DET1: variants seen among roughly 807,000 people sequenced by gnomAD.
The protein encoded by DET1 is DET1 homolog.
In DET1, 22 loss-of-function variants were observed where a neutral mutation model predicts 43.7. The observed-to-expected ratio is 0.50, with a 90% CI of 0.36 to 0.72. The LOEUF (loss-of-function observed/expected upper bound fraction) is 0.72. Among genes scored for constraint, DET1 ranks in the 30% least tolerant of loss-of-function variants. DET1 has a pLI of 0.00. For synonymous variants in DET1, 315 were observed against 266.2 expected (o/e 1.18, Z -1.79); for missense variants, 713 against 713.3 (o/e 1.00, Z 0.00).
intron 8 of DET1, chr15:88,502,326 C>G (rs923310186): frequency 2.0e-5 from 3 of 152,180 alleles, no homozygotes; most frequent in African/African-American, 7.2e-5. Flanking sequence ...TCCTTTCTTT[C>G]AGTAGAAATA....
chr15:88,542,844 T>A (rs2142347574), intron 1 of DET1, among the ~76,000 whole-genome samples: 1 of 152,176 alleles, frequency 6.6e-6, no homozygotes, highest in East Asian at 1.9e-4. Context: ...AAGACCAATG[T>A]GCCTATTGCA....
chr15:88,505,609 A>C (rs1366573174), intron 7 of DET1: 1 of 152,224 alleles, frequency 6.6e-6, no homozygotes. Context: ...TGGGAAGAGC[A>C]CACCCAGTTT....
At chr15:88,520,392 T>C (rs1244840847) in intron 3 of DET1, among the ~76,000 whole-genome samples, 1 of 152,220 alleles carries the variant, frequency 6.6e-6, no homozygotes, top group Non-Finnish European at 1.5e-5. Flanking sequence ...ACTACTCTTG[T>C]CAAGGTCACC....
downstream of DET1, among the ~76,000 whole-genome samples, chr15:88,511,942 C>T (rs543161351): frequency 3.3e-5 from 5 of 152,132 alleles, no homozygotes; most frequent in African/African-American, 4.8e-5. Flanking sequence ...TGTTACTAAA[C>T]AAGCCTACTA....
chr15:88,545,697 A>T (rs2142357209), intron 1 of DET1, among the ~76,000 whole-genome samples: 1 of 150,794 alleles, frequency 6.6e-6, no homozygotes. Context: ...CAATGATTTG[A>T]TTCCCCAAAA....
intron 1 of DET1, among the ~76,000 whole-genome samples, chr15:88,544,568 G>C (rs1050303148): frequency 6.6e-6 from 1 of 152,142 alleles, no homozygotes; most frequent in Admixed American, 6.5e-5. Context: ...TTCCAGCCAG[G>C]AGAACTAGTG....
intron 4 of DET1, among the ~76,000 whole-genome samples, chr15:88,513,620 GAGTTTTTTTTTTTTTTTTTT>G: frequency 7.2e-6 from 1 of 138,996 alleles, no homozygotes; most frequent in African/African-American, 2.7e-5. Flanking sequence ...AACTATTAGT[GAGTTTTTTTTTTTTTTTTTT>G]TGGAAATCTG....
chr15:88,536,676 C>A (rs190347351), intron 1 of DET1, among the ~76,000 whole-genome samples: 67 of 147,360 alleles, frequency 4.5e-4, no homozygotes, highest in African/African-American at 1.6e-3. Context: ...GAGGCTGAGG[C>A]AGGAGAACTG....
intron 7 of DET1, among the ~76,000 whole-genome samples, chr15:88,506,293 G>T (rs1402137687): frequency 2.0e-5 from 3 of 152,178 alleles, no homozygotes; most frequent in Admixed American, 6.5e-5. Flanking sequence ...CACAGCCAGG[G>T]TTTGCACCAG....
At chr15:88,519,717 A>C (rs2056439105) in intron 3 of DET1, among the ~76,000 whole-genome samples, 1 of 152,106 alleles carries the variant, frequency 6.6e-6, no homozygotes, top group South Asian at 2.1e-4. Context: ...TGCTTAGAAA[A>C]ACTACAGCCT....
chr15:88,519,588 C>A (rs560258681), intron 3 of DET1, among the ~76,000 whole-genome samples: 1 of 152,232 alleles, frequency 6.6e-6, no homozygotes, highest in African/African-American at 2.4e-5. Flanking sequence ...ATTCTACCAA[C>A]TTCTTCCCAT....
At chr15:88,523,301 A>G (rs2056553795) in intron 3 of DET1, among the ~76,000 whole-genome samples, 2 of 152,060 alleles carry the variant, frequency 1.3e-5, no homozygotes, top group South Asian at 4.1e-4. Flanking sequence ...ATTTTGACCT[A>G]TAAGGGTCCC....
intron 1 of DET1, among the ~76,000 whole-genome samples, chr15:88,542,913 CAA>C (rs917692818): frequency 1.3e-5 from 2 of 152,152 alleles, no homozygotes; most frequent in African/African-American, 4.8e-5. Flanking sequence ...AGTCAGAAAA[CAA>C]AAAGTTCTCA....
chr15:88,522,537 TC>T, intron 3 of DET1, among the ~76,000 whole-genome samples: 1 of 149,158 alleles, frequency 6.7e-6, no homozygotes, highest in African/African-American at 2.5e-5. Context: ...TGAGTTGGAG[TC>T]TCGTTCTGTA....
In DET1 at chr15:88,529,621, G is replaced by A. The variant is rs567373488; in HGVS notation, c.1083+1002C>T. Among the ~76,000 whole-genome samples the A allele has an allele frequency of 2.2e-3, 337 of 152,344 alleles. 4 individuals carry two copies. Among genetic ancestry groups the A allele is most frequent in the Non-Finnish European group, 3.4e-4 (23 of 68,034 alleles). On this transcript the variant is annotated intron_variant, in intron 2 of 4. Coordinates refer to ENST00000268148, the MANE Select transcript of DET1 (RefSeq NM_001144074.3). ...GTTTTAGGACACGATACCCTGTACA[G>A]AATCTGTTAATGGTAGAATCAGCTA...
In DET1 at chr15:88,517,089, C is replaced by G. The variant is rs575881259; in HGVS notation, c.1272-116G>C. The G allele has an allele frequency of 6.6e-6, 5 of 752,534 alleles. No homozygotes were observed. In the African/African-American group the frequency reaches 7.4e-5, roughly 11 times the overall value. 46.6% of individuals were successfully genotyped at this position (752,534 alleles called of 1,614,324 possible). A position where few individuals can be genotyped will look rare whatever the true frequency, so the allele number is the denominator to read the frequency against. ...CTCATTCTTTAAATACAAATTAAAACCTAGGTAATGAATTAAGATAGAACT... is the reference window on the plus strand; with the variant it reads ...CTCATTCTTTAAATACAAATTAAAAGCTAGGTAATGAATTAAGATAGAACT... On this transcript the variant is annotated intron_variant, in intron 3 of 4. Coordinates refer to ENST00000268148, the MANE Select transcript of DET1 (RefSeq NM_001144074.3).
At chr15:88,525,658 G>T (rs1474136580) in intron 3 of DET1, among the ~76,000 whole-genome samples, 1 of 151,622 alleles carries the variant, frequency 6.6e-6, no homozygotes. Context: ...CCCATCTTTT[G>T]TTCTTTTTGT....
At chr15:88,508,029 C>T (rs530037684), downstream of DET1, among the ~76,000 whole-genome samples, 58 of 151,804 alleles carry the variant, frequency 3.8e-4, no homozygotes, top group African/African-American at 1.4e-3. Context: ...GTATTGTGAA[C>T]TGTGTATGCA....
Position 88,516,574 on chromosome 15 carries a change from T to G in DET1, c.1463+208A>C, listed in dbSNP as rs2056350123. 6.6e-6 allele frequency among the ~76,000 whole-genome samples: 1 copy of G among 152,238 alleles called. No homozygotes were observed. The highest frequency in any genetic ancestry group is 2.4e-5 in the African/African-American group (1 of 41,464). On this transcript the variant is annotated intron_variant, in intron 4 of 4. Transcript: ENST00000268148. This position sits in a 1 kb window ranked among gnomAD's most constrained non-coding sequence, Gnocchi z 4.4. ...CAACACTTATCTGAATTAGATGTTC[T>G]GATGAGAAGCAAAGAGTAGGAATAA...
Sources: allele counts gnomAD v4.1 joint callset (sites outside exome capture counted in the v4.1 genomes callset), GRCh38; gene constraint gnomAD v4.1.1; non-coding constraint Gnocchi (gnomAD v3.1); transcripts MANE v1.5; gene names NCBI Gene and HGNC (gene_info 2026-07-23, HGNC 2026-07-21).